The following RBM45 variants were observed in gnomAD, a reference collection of about 807,000 sequenced individuals.
The protein encoded by RBM45 is RNA-binding protein 45.
In RBM45, 39 loss-of-function variants were observed where a neutral mutation model predicts 58.5. That is an observed-to-expected ratio of 0.67 (90% confidence interval 0.52 to 0.87). The LOEUF is 0.87. Ranked by LOEUF, RBM45 falls within the 40% of genes least tolerant of loss-of-function variation. The probability of loss-of-function intolerance (pLI) is 0.00; values close to 1 mark genes in which losing one functional copy is unlikely to be tolerated. For missense variants in RBM45, 481 were observed against 581.6 expected, an observed-to-expected ratio of 0.83 and a Z score of 1.78; for synonymous variants, 193 against 203.0, an observed-to-expected ratio of 0.95 and a Z score of 0.42.
intron 3 of RBM45, among the ~76,000 whole-genome samples, chr2:178,119,788 T>C (rs2087825012): frequency 6.6e-6 from 1 of 152,204 alleles, no homozygotes; most frequent in South Asian, 2.1e-4. Flanking sequence ...AGCTCATCCT[T>C]GGACCCCTAG....
downstream of RBM45, among the ~76,000 whole-genome samples, chr2:178,133,533 A>G (rs1031395466): frequency 6.6e-6 from 1 of 152,214 alleles, no homozygotes; most frequent in African/African-American, 2.4e-5. Flanking sequence ...CGTAAGATGA[A>G]TCTTCTTGTA....
In RBM45 at chr2:178,123,880, G is replaced by T. The variant is rs1347608669; in HGVS notation, c.1036G>T (p.Val346Leu). The T allele has an allele frequency of 6.2e-7, 1 of 1,614,004 alleles. No individual in the cohort carries two copies. Among genetic ancestry groups the T allele is most frequent in the Non-Finnish European group, 8.5e-7 (1 of 1,179,946 alleles). Residue 346 changes from valine to leucine, a missense_variant, in exon 7 of 10, where the codon GTG becomes TTG. Val to Leu is a conservative substitution (Grantham distance 32). Transcript: ENST00000286070. ...GGTAGCTGCACAGCTTGCATCAATG[G>T]TGTGGAATAACCCAAGTCAGCAACA... ...QMVAAQLASM[V>L]WNNPSQQQFM...
intron 9 of RBM45, among the ~76,000 whole-genome samples, chr2:178,129,092 T>C (rs2087973678): frequency 6.6e-6 from 1 of 152,222 alleles, no homozygotes; most frequent in African/African-American, 2.4e-5. Context: ...AGTAGTTGAA[T>C]TCTATTTTGA....
At chr2:178,130,431 G>A (rs1175077374), downstream of RBM45, among the ~76,000 whole-genome samples, 5 of 152,076 alleles carry the variant, frequency 3.3e-5, no homozygotes, top group Admixed American at 1.3e-4. Flanking sequence ...AAGCTGAAGC[G>A]GAAGGATTGC....
At chr2:178,133,059 TGTTGGACCTTAG>T (rs1222345518), downstream of RBM45, among the ~76,000 whole-genome samples, 37 of 152,360 alleles carry the variant, frequency 2.4e-4, no homozygotes, top group African/African-American at 8.9e-4. Flanking sequence ...AGATTTCATA[TGTTGGACCTTAG>T]GTTGGACTGT....
chr2:178,112,500 C>T lies in RBM45; in HGVS notation c.-47C>T. 4 of 1,549,014 alleles carry T rather than the reference C, an allele frequency of 2.6e-6. No homozygotes were observed. Among genetic ancestry groups the T allele is most frequent in the Non-Finnish European group, 3.5e-6 (4 of 1,133,714 alleles). On this transcript the variant is annotated 5_prime_UTR_variant, in exon 1 of 10. Coordinates refer to ENST00000286070, the MANE Select transcript of RBM45 (RefSeq NM_152945.4). ...TGTGAGACAGCAGCGGTGGCAGACA[C>T]CGCAGAAGCAAAGAGCAGTGAGGCT...
chr2:178,133,565 A>G (rs990447028), downstream of RBM45, among the ~76,000 whole-genome samples: 18 of 152,220 alleles, frequency 1.2e-4, no homozygotes, highest in Admixed American at 2.0e-4. Flanking sequence ...TTTTTGATGT[A>G]CCCAAAAACC....
At chr2:178,125,938 T>A (rs1409347552) in intron 8 of RBM45, 46 bp from the exon 9 acceptor site, 2 of 1,522,988 alleles carry the variant, frequency 1.3e-6, no homozygotes, top group African/African-American at 2.7e-5. Context: ...ACCTGAGCAG[T>A]TGTATTTATC....
chr2:178,116,723 G>T (rs1020011389), intron 2 of RBM45, among the ~76,000 whole-genome samples: 12 of 152,240 alleles, frequency 7.9e-5, no homozygotes, highest in African/African-American at 2.9e-4. Flanking sequence ...AACCCAGGCT[G>T]TCGGAGTCTG....
chr2:178,135,068 A>G (rs2088034760), intron 3 of RBM45, among the ~76,000 whole-genome samples: 1 of 152,188 alleles, frequency 6.6e-6, no homozygotes, highest in Non-Finnish European at 1.5e-5. Flanking sequence ...CCTAGGAGAT[A>G]ATTTTTACAT....
chr2:178,121,630 C>T (rs1205343839), intron 5 of RBM45, among the ~76,000 whole-genome samples: 1 of 151,966 alleles, frequency 6.6e-6, no homozygotes, highest in Non-Finnish European at 1.5e-5. Context: ...ATTTTAACTC[C>T]CACAAAATAT....
At chr2:178,138,181 C>T (rs936489889) in exon 4 of RBM45, 3 of 152,104 alleles carry the variant, frequency 2.0e-5, no homozygotes, top group East Asian at 1.9e-4. Context: ...GAAGTTCCCC[C>T]ACTTTTTGTT....
At chr2:178,132,168 T>G (rs73972695), downstream of RBM45, among the ~76,000 whole-genome samples, 1 of 152,332 alleles carries the variant, frequency 6.6e-6, no homozygotes, top group African/African-American at 2.4e-5. Flanking sequence ...TCTTGTAAAT[T>G]CATTAACTGA....
In RBM45 at chr2:178,123,633, A is replaced by T. The variant is rs767520459; in HGVS notation, c.965A>T (p.Asp322Val). ...CGAATAGGTGTTTCCTTCATTGATG[A>T]TGGAAGTAATGCAACAGAGTAAGTA... ...GNRIGVSFID[D>V]GSNATDLLRK... is the part of the protein sequence containing the mutation. The change falls in exon 6 of 10, where the codon GAT (aspartate) becomes GTT (valine). Residue 322 changes from aspartate (D) to valine (V), a missense_variant. Coordinates refer to ENST00000286070, the MANE Select transcript of RBM45 (RefSeq NM_152945.4). 8.1e-6 allele frequency: 13 copies of T among 1,606,524 alleles called. No homozygotes were observed. The Admixed American group carries it at 1.5e-4, about 19-fold the overall frequency.
In RBM45 at chr2:178,119,182, A is replaced by G. The variant is rs1228621591; in HGVS notation, c.550+1001A>G. Among the ~76,000 whole-genome samples, 3 of 152,232 alleles carry G rather than the reference A, an allele frequency of 2.0e-5. No homozygotes were observed. The East Asian group carries it at 5.8e-4, about 29-fold the overall frequency. ...TCAATAAAGATTTATTAAGCTCTCTATAAAAGTAAATGCCATTTATAGTAG... is the reference window on the plus strand; with the variant it reads ...TCAATAAAGATTTATTAAGCTCTCTGTAAAAGTAAATGCCATTTATAGTAG... On this transcript the variant is annotated intron_variant, in intron 3 of 9. Transcript: ENST00000286070.
Position 178,124,154 on chromosome 2 carries a change from T to C in RBM45, c.1096T>C (p.Leu366=). The part of the protein sequence containing the change: ...MQFGGSSGSQ[L]PQIQTDVVLP... ...ATTTGGAGGAAGCTCTGGATCACAGTTGCCTCAAATCCAGACAGATGTTGT... is the reference window on the plus strand; with the variant it reads ...ATTTGGAGGAAGCTCTGGATCACAGCTGCCTCAAATCCAGACAGATGTTGT... Residue 366 remains leucine, a synonymous_variant, in exon 8 of 10, where the codon TTG becomes CTG. Coordinates refer to ENST00000286070, the MANE Select transcript of RBM45 (RefSeq NM_152945.4). The C allele has an allele frequency of 1.9e-6, 3 of 1,598,290 alleles. No homozygotes were observed. Among genetic ancestry groups the C allele is most frequent in the Non-Finnish European group, 2.6e-6 (3 of 1,176,004 alleles).
chr2:178,131,813 A>G (rs1270120285), downstream of RBM45, among the ~76,000 whole-genome samples: 1 of 152,172 alleles, frequency 6.6e-6, no homozygotes, highest in Non-Finnish European at 1.5e-5. Context: ...CTGTCTTCCT[A>G]TCTTTTGCAG....
chr2:178,118,172 T>G lies in RBM45; in HGVS notation c.541T>G (p.Cys181Gly). 6.2e-7 allele frequency: 1 copy of G among 1,611,024 alleles called. No individual in the cohort carries two copies. Among genetic ancestry groups the G allele is most frequent in the Non-Finnish European group, 8.5e-7 (1 of 1,178,438 alleles). The change falls in exon 3 of 10, where the codon TGT becomes GGT. Residue 181 changes from cysteine to glycine, a missense_variant. Physicochemically the swap from Cys to Gly is radical, Grantham distance 159 (BLOSUM62 -3). Coordinates refer to ENST00000286070, the MANE Select transcript of RBM45 (RefSeq NM_152945.4). ...PSQAAQAIEN[C>G]DRSFRAILAE... ...ACAAGCTGCCCAAGCAATAGAAAAC[T>G]GTGATCGAAGTAAGGATGTGTTTAA...
At chr2:178,133,698 C>T (rs1338426494), downstream of RBM45, among the ~76,000 whole-genome samples, 3 of 152,142 alleles carry the variant, frequency 2.0e-5, no homozygotes, top group African/African-American at 7.2e-5. Flanking sequence ...CACACACAGG[C>T]TTTGTTCCAT....
Sources: gnomAD v4.1 joint callset for allele counts (sites outside exome capture counted in the v4.1 genomes callset) on GRCh38, gnomAD v4.1.1 for gene constraint, MANE v1.5 for transcripts, NCBI Gene and HGNC (gene_info 2026-07-23, HGNC 2026-07-21) for gene names.